SLC25A15: variants seen among roughly 807,000 people sequenced by gnomAD.
The protein encoded by SLC25A15 is mitochondrial ornithine transporter 1.
Under a neutral mutation model 32.3 loss-of-function variants are expected in SLC25A15, and 24 were observed. The observed-to-expected ratio is 0.74, with a 90% confidence interval of 0.54 to 1.04. The LOEUF is 1.04. SLC25A15 is among the 50% of genes least tolerant of loss of function. The pLI is 0.00. For missense variants in SLC25A15, 317 were observed against 374.5 expected (o/e 0.85, Z 1.27); for synonymous variants, 132 against 142.1 (o/e 0.93, Z 0.51).
chr13:40,794,767 A>G (rs1332943946), intron 2 of SLC25A15, among the ~76,000 whole-genome samples: 1 of 152,114 alleles, frequency 6.6e-6, no homozygotes, highest in African/African-American at 2.4e-5. Flanking sequence ...GGTGTTGCCC[A>G]GTGCTGTCCT....
chr13:40,802,607 A>C (rs1881940086), intron 3 of SLC25A15, among the ~76,000 whole-genome samples: 1 of 146,260 alleles, frequency 6.8e-6, no homozygotes, highest in African/African-American at 2.5e-5. Context: ...ACGGAGTCTC[A>C]CTCTGTCGCC....
chr13:40,802,565 A>G (rs1037606004), intron 3 of SLC25A15, among the ~76,000 whole-genome samples: 1 of 151,748 alleles, frequency 6.6e-6, no homozygotes, highest in Non-Finnish European at 1.5e-5. Flanking sequence ...TGAATATGGT[A>G]AGTCCATCTG....
chr13:40,792,456 G>A lies in SLC25A15; in HGVS notation c.-69-702G>A, dbSNP rs114865438. Among the ~76,000 whole-genome samples the A allele has an allele frequency of 1.3e-3, 191 of 152,318 alleles. 1 individual carries two copies. Among genetic ancestry groups the A allele is most frequent in the African/African-American group, 4.5e-3 (189 of 41,578 alleles). On this transcript the variant is annotated intron_variant, in intron 1 of 6. Transcript: ENST00000338625. Reference sequence around the variant, plus strand: ...TCCTGCACACGTTTACATTTGAAGGGCTGGTGGTCTGTGGTGACGGGAAGA... The same window carrying A: ...TCCTGCACACGTTTACATTTGAAGGACTGGTGGTCTGTGGTGACGGGAAGA...
In SLC25A15 at chr13:40,808,551, C is replaced by T; in HGVS notation, c.736C>T (p.Gln246Ter). ...RIQVLSMSGKQAGFIRTFINV... is the reference protein window; with the variant it reads ...RIQVLSMSGK ...TCAAGTTCTTTCCATGTCTGGAAAA[C>T]AGGCAGGATTTATCAGAACCTTTAT... Residue 246 changes from glutamine to a stop codon, truncating the protein, a stop_gained, in exon 6 of 7, where the codon CAG (glutamine) becomes TAG (stop). Coordinates refer to ENST00000338625, the MANE Select transcript of SLC25A15 (RefSeq NM_014252.4). LOFTEE classifies it high-confidence loss of function. 1 of 1,610,588 alleles carries T rather than the reference C, an allele frequency of 6.2e-7. No homozygotes were observed. Among genetic ancestry groups the T allele is most frequent in the African/African-American group, 1.3e-5 (1 of 75,036 alleles).
chr13:40,800,930 T>C (rs1011704269), intron 3 of SLC25A15, among the ~76,000 whole-genome samples: 1 of 152,166 alleles, frequency 6.6e-6, no homozygotes, highest in African/African-American at 2.4e-5. Flanking sequence ...ATGTGTTATT[T>C]AGTTCATTAA....
chr13:40,808,864 G>A (rs1882312721), intron 6 of SLC25A15, among the ~76,000 whole-genome samples: 1 of 145,852 alleles, frequency 6.9e-6, no homozygotes, highest in African/African-American at 2.6e-5. Context: ...CAACCTGGGA[G>A]GCGGAGCTTG....
chr13:40,799,032 G>C (rs1566121189), intron 2 of SLC25A15, 25 bp from the exon 3 acceptor site: 1 of 1,614,184 alleles, frequency 6.2e-7, no homozygotes, highest in Non-Finnish European at 8.5e-7. Context: ...CCTCGTACTA[G>C]AGCAGTCATC....
Position 40,793,296 on chromosome 13 carries a change from C to G in SLC25A15, c.55+15C>G. 6.2e-7 allele frequency: 1 copy of G among 1,610,062 alleles called. No individual in the cohort carries two copies. The highest frequency in any genetic ancestry group is 2.2e-5 in the East Asian group (1 of 44,866). On this transcript the variant is annotated intron_variant, in intron 2 of 6. Transcript: ENST00000338625. ...GGGGGCTGCAGGTACAGTCATGTGC[C>G]TCATCACCATGTTTCTGTCGTTGAT...
At chr13:40,798,206 G>A (rs1228953939) in intron 2 of SLC25A15, among the ~76,000 whole-genome samples, 1 of 151,456 alleles carries the variant, frequency 6.6e-6, no homozygotes, top group Non-Finnish European at 1.5e-5. Flanking sequence ...CTTGAACCTG[G>A]GAGGTGGAGT....
intron 1 of SLC25A15, 74 bp downstream of exon 1, chr13:40,789,737 G>A (rs1881414795): frequency 6.6e-6 from 1 of 152,158 alleles, no homozygotes; most frequent in Non-Finnish European, 1.5e-5. Flanking sequence ...GCGGGGCGCG[G>A]GGCGGGCCTC....
Position 40,808,467 on chromosome 13 carries a change from G to A in SLC25A15, c.652G>A (p.Val218Ile). The change falls in exon 6 of 7, where the codon GTT (valine) becomes ATT (isoleucine). Residue 218 changes from valine (V) to isoleucine (I), a missense_variant. Physicochemically the swap from Val to Ile is conservative, Grantham distance 29. Transcript: ENST00000338625. ...GPVPLMLSGGVGGICLWLAVY... is the reference protein window; with the variant it reads ...GPVPLMLSGGIGGICLWLAVY... ...TGTACCTTTGATGTTAAGTGGTGGAGTTGGTGGGATTTGCCTCTGGCTTGC... is the reference window on the plus strand; with the variant it reads ...TGTACCTTTGATGTTAAGTGGTGGAATTGGTGGGATTTGCCTCTGGCTTGC... 1 of 1,613,590 alleles carries A rather than the reference G, an allele frequency of 6.2e-7. No homozygotes were observed. Among genetic ancestry groups the A allele is most frequent in the Non-Finnish European group, 8.5e-7 (1 of 1,179,998 alleles).
chr13:40,805,366 C>T (rs1265183569), intron 4 of SLC25A15, 111 bp downstream of exon 4: 3 of 1,245,836 alleles, frequency 2.4e-6, no homozygotes, highest in Non-Finnish European at 3.4e-6. Flanking sequence ...TTTATCTACT[C>T]CAAAATATTG....
Position 40,811,936 on chromosome 13 carries a change from G to A in SLC25A15, c.*2269G>A, listed in dbSNP as rs1489482815. ...GGATATGAGAGGCTGACAAACATCA[G>A]GGGACATCTGGGGAGGAGATCCCTG... On this transcript the variant is annotated 3_prime_UTR_variant, in exon 7 of 7. Transcript: ENST00000338625. Among the ~76,000 whole-genome samples the A allele has an allele frequency of 2.6e-5, 4 of 152,212 alleles. No homozygotes were observed. The highest frequency in any genetic ancestry group is 9.6e-5 in the African/African-American group (4 of 41,454).
intron 2 of SLC25A15, chr13:40,798,809 C>A: frequency 1.0e-6 from 1 of 983,680 alleles, no homozygotes; most frequent in Non-Finnish European, 1.2e-6. Flanking sequence ...CACTGTTTGC[C>A]GCTGTTGAAC....
chr13:40,805,229 A>G lies in SLC25A15; in HGVS notation c.426A>G (p.Thr142=). ...CRLQTMYEME[T]SGKIAKSQNT... ...TGCAGACCATGTATGAGATGGAGAC[A>G]TCAGGGAAGATAGCCAAGAGCCAGA... Residue 142 remains threonine (T), a synonymous_variant, in exon 4 of 7, where the codon ACA becomes ACG. Transcript: ENST00000338625. 1 of 1,614,226 alleles carries G rather than the reference A, an allele frequency of 6.2e-7. No homozygotes were observed. The highest frequency in any genetic ancestry group is 8.5e-7 in the Non-Finnish European group (1 of 1,180,042).
intron 3 of SLC25A15, among the ~76,000 whole-genome samples, chr13:40,801,099 A>G (rs1327905023): frequency 6.6e-6 from 1 of 151,964 alleles, no homozygotes; most frequent in Non-Finnish European, 1.5e-5. Context: ...TGAGTGTGGT[A>G]GCACATGTCT....
intron 3 of SLC25A15, 27 bp from the exon 4 acceptor site, chr13:40,805,091 G>A (rs769834226): frequency 1.2e-6 from 2 of 1,613,662 alleles, no homozygotes; most frequent in South Asian, 1.1e-5. Flanking sequence ...GAAACTGAGG[G>A]GTAACTGTCT....
chr13:40,793,557 C>G (rs1358716408), intron 2 of SLC25A15, among the ~76,000 whole-genome samples: 5 of 152,156 alleles, frequency 3.3e-5, no homozygotes, highest in African/African-American at 1.2e-4. Context: ...TCTATGATAG[C>G]ACAATGACGA....
At chr13:40,805,615 A>G (rs537153696) in intron 4 of SLC25A15, among the ~76,000 whole-genome samples, 30 of 152,280 alleles carry the variant, frequency 2.0e-4, no homozygotes, top group African/African-American at 5.5e-4. Flanking sequence ...ATAAGTGCCA[A>G]TTTGGATTCT....
Sources: gnomAD v4.1 joint callset for allele counts (sites outside exome capture counted in the v4.1 genomes callset) on GRCh38, gnomAD v4.1.1 for gene constraint, MANE v1.5 for transcripts, NCBI Gene and HGNC (gene_info 2026-07-23, HGNC 2026-07-21) for gene names.